PTPN4: variants seen among roughly 807,000 people sequenced by gnomAD.
The protein encoded by PTPN4 is tyrosine-protein phosphatase non-receptor type 4.
PTPN4 carries 49 observed loss-of-function variants against 135.5 expected under a neutral mutation model. The ratio of observed to expected loss-of-function variants is 0.36; its 90% CI spans 0.29 to 0.46. The LOEUF (loss-of-function observed/expected upper bound fraction) is 0.46, where lower values mean the gene tolerates loss of function less well. PTPN4 is among the 20% of genes least tolerant of loss of function. The pLI, the probability that PTPN4 is intolerant of heterozygous loss-of-function variation, is 1.00. For synonymous variants in PTPN4, 333 were observed against 369.9 expected (o/e 0.90, Z 1.14); for missense variants, 860 against 1,101.0 (o/e 0.78, Z 3.10).
At position 119,979,825 on chromosome 2, in the gene PTPN4, A is replaced by G. The variant is rs962765150; in HGVS notation, c.*2755A>G. ...CTGACTTTTATTCTGACAAGTGGAA[A>G]TCAATAGTGGTTAATCAAGTGGATT... On this transcript the variant is annotated 3_prime_UTR_variant, in exon 27 of 27. Coordinates refer to ENST00000263708, the MANE Select transcript of PTPN4 (RefSeq NM_002830.4). 2 of 152,094 alleles carry G rather than the reference A, an allele frequency of 1.3e-5. No homozygotes were observed. The highest frequency in any genetic ancestry group is 2.9e-5 in the Non-Finnish European group (2 of 67,952). The allele number at this position is 152,094 out of a possible 1,614,324, so 9.4% of individuals were successfully genotyped here. A position where few individuals can be genotyped will look rare whatever the true frequency, so the allele number is the denominator to read the frequency against.
chr2:119,795,532 G>A (rs1215838721), intron 1 of PTPN4, among the ~76,000 whole-genome samples: 2 of 152,222 alleles, frequency 1.3e-5, no homozygotes, highest in Non-Finnish European at 2.9e-5. Flanking sequence ...ATACCTGGCT[G>A]GGTTGTGACA....
At chr2:119,929,197 T>C (rs1558766904) in intron 13 of PTPN4, among the ~76,000 whole-genome samples, 2 of 152,162 alleles carry the variant, frequency 1.3e-5, no homozygotes, top group Non-Finnish European at 2.9e-5. Context: ...TAATGATCTC[T>C]CTTTCTCTGA....
At chr2:119,889,813 G>T (rs1239549121) in intron 9 of PTPN4, among the ~76,000 whole-genome samples, 1 of 151,990 alleles carries the variant, frequency 6.6e-6, no homozygotes, top group Non-Finnish European at 1.5e-5. Context: ...TTGCTATGTT[G>T]TATTCCATTT....
chr2:119,935,719 A>G (rs1269096179), intron 15 of PTPN4, among the ~76,000 whole-genome samples: 1 of 152,202 alleles, frequency 6.6e-6, no homozygotes, highest in Non-Finnish European at 1.5e-5. Context: ...ATTACTTTAG[A>G]AGTTATAATT....
chr2:119,979,685 C>A lies in PTPN4; in HGVS notation c.*2615C>A, dbSNP rs138585584. The A allele has an allele frequency of 6.6e-6, 1 of 151,938 alleles. No homozygotes were observed. The allele number at this position is 151,938 out of a possible 1,614,324, so 9.4% of individuals were successfully genotyped here. On this transcript the variant is annotated 3_prime_UTR_variant, in exon 27 of 27. Coordinates refer to ENST00000263708, the MANE Select transcript of PTPN4 (RefSeq NM_002830.4). Reference sequence around the variant, plus strand: ...TCATACACCATGTAGTTCTAGACTCCGTCCATATCAGTGTAACATTGTGTG... The same window carrying A: ...TCATACACCATGTAGTTCTAGACTCAGTCCATATCAGTGTAACATTGTGTG...
At chr2:119,797,731 C>T (rs2104940282) in intron 1 of PTPN4, among the ~76,000 whole-genome samples, 1 of 152,072 alleles carries the variant, frequency 6.6e-6, no homozygotes, top group East Asian at 1.9e-4. Flanking sequence ...TGCCATTTGA[C>T]CTTTGAGGTT....
At chr2:119,795,977 C>G (rs1394969932) in intron 1 of PTPN4, among the ~76,000 whole-genome samples, 1 of 152,242 alleles carries the variant, frequency 6.6e-6, no homozygotes, top group Non-Finnish European at 1.5e-5. Flanking sequence ...TTGGGGCCAG[C>G]CTTGCGAATC....
At chr2:119,879,978 G>GT (rs1454828455) in intron 5 of PTPN4, 3 of 133,862 alleles carry the variant, frequency 2.2e-5, no homozygotes, top group Non-Finnish European at 4.6e-5. Flanking sequence ...TAATGAATTA[G>GT]TTTAGTTTAA....
chr2:119,840,402 G>C (rs1231010577), intron 2 of PTPN4, among the ~76,000 whole-genome samples: 1 of 152,170 alleles, frequency 6.6e-6, no homozygotes, highest in East Asian at 1.9e-4. Context: ...GAGGATAATG[G>C]CTTCCAGCTC....
intron 3 of PTPN4, among the ~76,000 whole-genome samples, chr2:119,875,397 T>C (rs1300754077): frequency 6.6e-6 from 1 of 152,218 alleles, no homozygotes; most frequent in East Asian, 1.9e-4. Context: ...ACCAGAATAT[T>C]TTGAAGGAGA....
chr2:119,837,067 A>T (rs1677305815), intron 2 of PTPN4, among the ~76,000 whole-genome samples: 1 of 152,230 alleles, frequency 6.6e-6, no homozygotes, highest in Non-Finnish European at 1.5e-5. Context: ...GACCAGAAGC[A>T]TGGGGGCTGG....
intron 14 of PTPN4, among the ~76,000 whole-genome samples, chr2:119,933,624 C>T (rs963348253): frequency 6.1e-5 from 9 of 148,626 alleles, no homozygotes; most frequent in Non-Finnish European, 5.9e-5. Context: ...GATCACACCA[C>T]TGCACTTCAG....
intron 2 of PTPN4, among the ~76,000 whole-genome samples, chr2:119,853,383 G>A (rs1389487614): frequency 6.6e-6 from 1 of 151,908 alleles, no homozygotes; most frequent in Non-Finnish European, 1.5e-5. Flanking sequence ...TTAGATTTGT[G>A]GCATTTTCTA....
chr2:119,895,177 T>C (rs1385343309), intron 9 of PTPN4, among the ~76,000 whole-genome samples: 1 of 152,214 alleles, frequency 6.6e-6, no homozygotes, highest in Non-Finnish European at 1.5e-5. Flanking sequence ...GAAATTGTTG[T>C]ATATTGTTTT....
At chr2:119,926,126 G>T (rs1047380106) in intron 12 of PTPN4, among the ~76,000 whole-genome samples, 2 of 152,088 alleles carry the variant, frequency 1.3e-5, no homozygotes, top group African/African-American at 4.8e-5. Flanking sequence ...TTGATATACC[G>T]CAAATTTATG....
Position 119,957,042 on chromosome 2 carries a change from G to A in PTPN4, c.2098G>A (p.Gly700Ser), listed in dbSNP as rs1437818013. ...PYDATRVILK[G>S]NEDYINANYI... ...TGATGCCACACGGGTCATTTTAAAA[G>A]GTAATGAAGACTACATCAATGCGAA... The change falls in exon 22 of 27, where the codon GGT (glycine) becomes AGT (serine). Residue 700 changes from glycine to serine, a missense_variant. Coordinates refer to ENST00000263708, the MANE Select transcript of PTPN4 (RefSeq NM_002830.4). 1 of 1,610,220 alleles carries A rather than the reference G, an allele frequency of 6.2e-7. No individual in the cohort carries two copies. The highest frequency in any genetic ancestry group is 8.5e-7 in the Non-Finnish European group (1 of 1,178,520).
At chr2:119,866,325 A>T (rs762371179) in intron 3 of PTPN4, among the ~76,000 whole-genome samples, 5 of 151,996 alleles carry the variant, frequency 3.3e-5, no homozygotes, top group Non-Finnish European at 7.4e-5. Context: ...TGTTGGCCTG[A>T]TCTTTCTGCA....
At chr2:119,826,951 C>T (rs1284114246) in intron 2 of PTPN4, among the ~76,000 whole-genome samples, 4 of 152,108 alleles carry the variant, frequency 2.6e-5, no homozygotes, top group Admixed American at 2.6e-4. Flanking sequence ...ATTGCTTGGG[C>T]CAGGAGTTCG....
intron 8 of PTPN4, among the ~76,000 whole-genome samples, chr2:119,884,141 G>A (rs184095749): frequency 3.3e-5 from 5 of 152,304 alleles, no homozygotes; most frequent in African/African-American, 7.2e-5. Flanking sequence ...CTCGTGATCC[G>A]CCTGCCTTGG....
Sources: gnomAD v4.1 joint callset for allele counts (sites outside exome capture counted in the v4.1 genomes callset) on GRCh38, gnomAD v4.1.1 for gene constraint, MANE v1.5 for transcripts, NCBI Gene and HGNC (gene_info 2026-07-23, HGNC 2026-07-21) for gene names.